The following ABHD13 variants were observed in gnomAD, a reference collection of about 807,000 sequenced individuals.
ABHD13 encodes the protein protein ABHD13.
A neutral mutation model predicts 25.2 loss-of-function variants in ABHD13; 7 were observed. The observed-to-expected ratio is 0.28, with a 90% CI of 0.16 to 0.52. ABHD13 has a LOEUF of 0.52. Ranked by LOEUF, ABHD13 falls within the 20% of genes least tolerant of loss-of-function variation. The pLI, the probability that ABHD13 is intolerant of heterozygous loss-of-function variation, is 0.96. For synonymous variants in ABHD13, 133 were observed against 136.1 expected (o/e 0.98, Z 0.16); for missense variants, 302 against 402.7 (o/e 0.75, Z 2.14).
At chr13:108,222,516 G>A (rs1321504674) in intron 1 of ABHD13, among the ~76,000 whole-genome samples, 1 of 152,098 alleles carries the variant, frequency 6.6e-6, no homozygotes, top group East Asian at 1.9e-4. Context: ...TGGTTAAATA[G>A]TATGGAACCG....
At position 108,228,301 on chromosome 13, in the gene ABHD13, TGTG is replaced by T. The variant is rs1283750613; in HGVS notation, c.-20-897_-20-895del. On this transcript the variant is annotated intron_variant, in intron 1 of 1. Coordinates refer to ENST00000375898, the MANE Select transcript of ABHD13 (RefSeq NM_032859.3). ...TTATCTCTGTTTCTCAGAGGATTTC[TGTG>T]TATTTGTTTCACACTGAACCCTCAA... Among the ~76,000 whole-genome samples the T allele has an allele frequency of 3.3e-5, 5 of 152,022 alleles. No homozygotes were observed. In the South Asian group the frequency reaches 8.3e-4, roughly 25 times the overall value.
rs377224442 is a variant in ABHD13 at position 108,229,761 on chromosome 13, C to A, written c.543C>A (p.Asp181Glu). The A allele has an allele frequency of 1.1e-5, 17 of 1,613,202 alleles. No homozygotes were observed. Among genetic ancestry groups the A allele is most frequent in the Non-Finnish European group, 2.5e-6 (3 of 1,179,502 alleles). Residue 181 changes from aspartate (D) to glutamate (E), a missense_variant, in exon 2 of 2, where the codon GAC (aspartate) becomes GAA (glutamate). Physicochemically the swap from Asp to Glu is conservative, Grantham distance 45 (BLOSUM62 2). Transcript: ENST00000375898. The surrounding 1 kb of genome is among the most constrained non-coding windows in gnomAD (Gnocchi z 4.7). ...TAGACTACGTGATGACTAGACCTGA[C>A]CTTGATAAAACAAAAATTTTTCTTT... is the stretch of plus-strand genomic sequence containing the variant. ...AVLDYVMTRP[D>E]LDKTKIFLFG...
At chr13:108,223,388 A>G (rs1311258917) in intron 1 of ABHD13, among the ~76,000 whole-genome samples, 2 of 152,210 alleles carry the variant, frequency 1.3e-5, no homozygotes, top group East Asian at 3.8e-4. Context: ...TCACAATTCA[A>G]ATGTATTTCA....
intron 1 of ABHD13, among the ~76,000 whole-genome samples, chr13:108,219,955 G>C (rs139541017): frequency 5.5e-4 from 83 of 152,224 alleles, no homozygotes; most frequent in Non-Finnish European, 2.5e-4. Context: ...GACTAATAGG[G>C]CTTCTAGTTG....
chr13:108,228,672 T>G (rs1879723203), intron 1 of ABHD13, among the ~76,000 whole-genome samples: 1 of 151,826 alleles, frequency 6.6e-6, no homozygotes, highest in South Asian at 2.1e-4. Context: ...TGAAAAAAAT[T>G]GACAAAGTAT....
In ABHD13 at chr13:108,232,840, C is replaced by A. The variant is rs1443277047; in HGVS notation, c.*2608C>A. 1.8e-5 allele frequency: 3 copies of A among 166,696 alleles called. No individual in the cohort carries two copies. In the East Asian group the frequency reaches 5.8e-4, roughly 32 times the overall value. 10.3% of individuals were successfully genotyped at this position (166,696 alleles called of 1,614,324 possible). ...TATAAAAAGGACCCTAAAAAGAATT[C>A]TGCAAAATAAGAGAAGAAATAATTT... On this transcript the variant is annotated 3_prime_UTR_variant, in exon 2 of 2. Coordinates refer to ENST00000375898, the MANE Select transcript of ABHD13 (RefSeq NM_032859.3).
In ABHD13 at chr13:108,233,965, G is replaced by A. The variant is rs532879577; in HGVS notation, c.*3733G>A. On this transcript the variant is annotated 3_prime_UTR_variant, in exon 2 of 2. Transcript: ENST00000375898. ...ATTTATAATTATTTCTGTCAGTACA[G>A]CGTATATGGAAAATTCAAGTTGTTT... The A allele has an allele frequency of 6.0e-6, 1 of 166,860 alleles. No homozygotes were observed. Among genetic ancestry groups the A allele is most frequent in the South Asian group, 2.1e-4 (1 of 4,826 alleles). The allele number at this position is 166,860 out of a possible 1,614,324, so 10.3% of individuals were successfully genotyped here.
chr13:108,221,688 T>A (rs1179813472), intron 1 of ABHD13, among the ~76,000 whole-genome samples: 1 of 152,222 alleles, frequency 6.6e-6, no homozygotes, highest in Non-Finnish European at 1.5e-5. Context: ...TAGGACTTTT[T>A]AATTGTATTT....
In ABHD13 at chr13:108,230,933, T is replaced by C. The variant is rs1879790765; in HGVS notation, c.*701T>C. ...CAATACAAATGTACCGTGTTTTTGT[T>C]AGGTACAGTCTGGATCATGGCATGT... On this transcript the variant is annotated 3_prime_UTR_variant, in exon 2 of 2. Coordinates refer to ENST00000375898, the MANE Select transcript of ABHD13 (RefSeq NM_032859.3). 1 of 166,846 alleles carries C rather than the reference T, an allele frequency of 6.0e-6. No homozygotes were observed. Among genetic ancestry groups the C allele is most frequent in the Admixed American group, 6.6e-5 (1 of 15,236 alleles). The allele number at this position is 166,846 out of a possible 1,614,324, so 10.3% of individuals were successfully genotyped here.
intron 1 of ABHD13, among the ~76,000 whole-genome samples, chr13:108,219,697 C>G (rs1879508405): frequency 6.6e-6 from 1 of 152,216 alleles, no homozygotes; most frequent in Non-Finnish European, 1.5e-5. Context: ...GACGAGGTCT[C>G]TGTCATCGAG....
chr13:108,222,194 G>A (rs995951463), intron 1 of ABHD13, among the ~76,000 whole-genome samples: 2 of 151,796 alleles, frequency 1.3e-5, no homozygotes, highest in South Asian at 4.2e-4. Context: ...TAATTTGTAG[G>A]GCAGTTCTGA....
At chr13:108,223,347 G>T (rs953615817) in intron 1 of ABHD13, among the ~76,000 whole-genome samples, 2 of 152,176 alleles carry the variant, frequency 1.3e-5, no homozygotes, top group Admixed American at 1.3e-4. Context: ...AAATAAAAAT[G>T]TTGTTACCTG....
rs1225557885 is a variant in ABHD13 at position 108,233,608 on chromosome 13, TACTC to T, written c.*3378_*3381del. The T allele has an allele frequency of 1.2e-5, 2 of 166,768 alleles. No individual in the cohort carries two copies. Among genetic ancestry groups the T allele is most frequent in the African/African-American group, 4.8e-5 (2 of 41,434 alleles). 10.3% of individuals were successfully genotyped at this position (166,768 alleles called of 1,614,324 possible). A position where few individuals can be genotyped will look rare whatever the true frequency, so the allele number is the denominator to read the frequency against. On this transcript the variant is annotated 3_prime_UTR_variant, in exon 2 of 2. Transcript: ENST00000375898. ...CACTTAAATTTAGGTATTTTCATAT[TACTC>T]AGGTAAAGATGGAAATGACAGAGCA... is the stretch of plus-strand genomic sequence containing the variant.
Position 108,232,873 on chromosome 13 carries a change from G to T in ABHD13, c.*2641G>T, listed in dbSNP as rs1324974249. ...TAAGAGAAGAAATAATTTGTGACAG[G>T]TAATAGAATACTAGTAGGATAGAAA... On this transcript the variant is annotated 3_prime_UTR_variant, in exon 2 of 2. Coordinates refer to ENST00000375898, the MANE Select transcript of ABHD13 (RefSeq NM_032859.3). 6.0e-6 allele frequency: 1 copy of T among 166,784 alleles called. No individual in the cohort carries two copies. The highest frequency in any genetic ancestry group is 1.5e-5 in the Non-Finnish European group (1 of 68,014). The allele number at this position is 166,784 out of a possible 1,614,324, so 10.3% of individuals were successfully genotyped here.
At position 108,220,101 on chromosome 13, in the gene ABHD13, A is replaced by G. The variant is rs548542188; in HGVS notation, c.-21+1442A>G. On this transcript the variant is annotated intron_variant, in intron 1 of 1. Coordinates refer to ENST00000375898, the MANE Select transcript of ABHD13 (RefSeq NM_032859.3). ...ATTTAATCTTTCATCCTCCTTTTAC[A>G]TACGAGGAAATATATATTTAGAGAG... 1.1e-4 allele frequency among the ~76,000 whole-genome samples: 16 copies of G among 152,328 alleles called. No individual in the cohort carries two copies. The South Asian group carries it at 3.3e-3, about 32-fold the overall frequency.
chr13:108,224,053 G>T (rs1439489040), intron 1 of ABHD13, among the ~76,000 whole-genome samples: 1 of 152,160 alleles, frequency 6.6e-6, no homozygotes, highest in African/African-American at 2.4e-5. Context: ...GTTTCTCTAA[G>T]TAATCAACCT....
At position 108,233,696 on chromosome 13, in the gene ABHD13, TAATACTA is replaced by T. The variant is rs1297837905; in HGVS notation, c.*3465_*3471del. 5 of 166,330 alleles carry T rather than the reference TAATACTA, an allele frequency of 3.0e-5. No homozygotes were observed. Among genetic ancestry groups the T allele is most frequent in the Non-Finnish European group, 4.4e-5 (3 of 67,920 alleles). 10.3% of individuals were successfully genotyped at this position (166,330 alleles called of 1,614,324 possible). ...AATGAAATGTACTTCTGTTTATTCT[TAATACTA>T]TATATATATATACACACATAGTTTT... is the stretch of plus-strand genomic sequence containing the variant. On this transcript the variant is annotated 3_prime_UTR_variant, in exon 2 of 2. Transcript: ENST00000375898.
intron 1 of ABHD13, among the ~76,000 whole-genome samples, chr13:108,223,890 A>G (rs1296417283): frequency 1.3e-5 from 2 of 152,186 alleles, no homozygotes; most frequent in South Asian, 2.1e-4. Context: ...ATTTATTTAG[A>G]TTATGCTGAA....
chr13:108,218,562 G>A lies in ABHD13; in HGVS notation c.-118G>A, dbSNP rs561673885. 3 of 152,296 alleles carry A rather than the reference G, an allele frequency of 2.0e-5. No homozygotes were observed. The highest frequency in any genetic ancestry group is 4.1e-4 in the South Asian group (2 of 4,826). The allele number at this position is 152,296 out of a possible 1,614,324, so 9.4% of individuals were successfully genotyped here. ...CGGCAGCGGCCCCTGGGCTGGAGGAGGATGATGAGGAGCGACGGAAGCGAC... is the reference window on the plus strand; with the variant it reads ...CGGCAGCGGCCCCTGGGCTGGAGGAAGATGATGAGGAGCGACGGAAGCGAC... On this transcript the variant is annotated 5_prime_UTR_variant, in exon 1 of 2. Transcript: ENST00000375898.
Sources: gnomAD v4.1 joint callset for allele counts (sites outside exome capture counted in the v4.1 genomes callset) on GRCh38, gnomAD v4.1.1 for gene constraint, Gnocchi (gnomAD v3.1) non-coding constraint, MANE v1.5 for transcripts, NCBI Gene and HGNC (gene_info 2026-07-23, HGNC 2026-07-21) for gene names.